The following FBXL13 variants were observed in gnomAD, a reference collection of about 807,000 sequenced individuals.
FBXL13 encodes the protein F-box and leucine rich repeat protein 13, also known as F-box and leucine-rich repeat protein 13.
A neutral mutation model predicts 83.6 loss-of-function variants in FBXL13; 67 were observed. The ratio of observed to expected loss-of-function variants is 0.80; its 90% confidence interval spans 0.66 to 0.98. The LOEUF (loss-of-function observed/expected upper bound fraction) is 0.98. FBXL13 is among the 50% of genes least tolerant of loss of function. The probability of loss-of-function intolerance (pLI) is 0.00; values close to 1 mark genes in which losing one functional copy is unlikely to be tolerated. For missense variants in FBXL13, 822 were observed against 866.5 expected, an observed-to-expected ratio of 0.95 and a Z score of 0.64; for synonymous variants, 272 against 299.5, an observed-to-expected ratio of 0.91 and a Z score of 0.95.
chr7:102,906,161 G>A (rs1232615921), intron 11 of FBXL13, among the ~76,000 whole-genome samples: 2 of 152,086 alleles, frequency 1.3e-5, no homozygotes, highest in African/African-American at 4.8e-5. Flanking sequence ...GGAAAGACCT[G>A]CCCCCATGAT....
At chr7:102,956,044 T>A (rs1824216772) in intron 8 of FBXL13, among the ~76,000 whole-genome samples, 1 of 152,032 alleles carries the variant, frequency 6.6e-6, no homozygotes, top group African/African-American at 2.4e-5. Context: ...GAGGCCAACA[T>A]CATCCTGATA....
rs752413560 is a variant in FBXL13, at chr7:103,053,136, T to TTTTTG, written c.-1+2503_-1+2507dup. ...AAATTCTCTACAGGTTTTTTGTTTG[T>TTTTTG]TTTTGTTTTGTTTTGTTTTGTTTTG... On this transcript the variant is annotated intron_variant, in intron 2 of 19. Transcript: ENST00000313221. Among the ~76,000 whole-genome samples, 184 of 152,054 alleles carry TTTTTG rather than the reference T, an allele frequency of 1.2e-3. 1 individual carries two copies. Among genetic ancestry groups the TTTTTG allele is most frequent in the African/African-American group, 3.2e-3 (133 of 41,482 alleles).
chr7:103,028,454 T>G (rs1794169204), intron 4 of FBXL13, 146 bp downstream of exon 5: 1 of 498,756 alleles, frequency 2.0e-6, no homozygotes, highest in Non-Finnish European at 3.4e-6. Flanking sequence ...TATTTTTAAA[T>G]TAGCAGCTCT....
intron 8 of FBXL13, among the ~76,000 whole-genome samples, chr7:102,959,592 G>C (rs1394517778): frequency 6.6e-6 from 1 of 151,742 alleles, no homozygotes; most frequent in East Asian, 1.9e-4. Context: ...TCTCCAACTG[G>C]TATTTGTACA....
chr7:102,962,303 T>C (rs1314883732), intron 8 of FBXL13, among the ~76,000 whole-genome samples: 1 of 152,102 alleles, frequency 6.6e-6, no homozygotes, highest in Non-Finnish European at 1.5e-5. Flanking sequence ...CTCACACTAG[T>C]TAGAATGGCA....
intron 6 of FBXL13, among the ~76,000 whole-genome samples, chr7:102,984,785 C>T (rs1211713000): frequency 6.6e-6 from 1 of 152,000 alleles, no homozygotes; most frequent in African/African-American, 2.4e-5. Flanking sequence ...CTTAAAGATG[C>T]GGGAATCTAA....
chr7:102,912,681 C>G (rs1470924405), intron 11 of FBXL13, among the ~76,000 whole-genome samples: 5 of 140,852 alleles, frequency 3.5e-5, no homozygotes, highest in East Asian at 2.2e-4. Context: ...ACCCCCCCCC[C>G]CCCAAAAAAA....
At chr7:102,996,168 T>C (rs1789765487) in intron 6 of FBXL13, among the ~76,000 whole-genome samples, 1 of 152,196 alleles carries the variant, frequency 6.6e-6, no homozygotes, top group South Asian at 2.1e-4. Flanking sequence ...AACTAAAAGA[T>C]TGCTGTTGAG....
At chr7:102,912,117 G>A (rs1814792074) in intron 11 of FBXL13, among the ~76,000 whole-genome samples, 1 of 152,170 alleles carries the variant, frequency 6.6e-6, no homozygotes, top group Non-Finnish European at 1.5e-5. Flanking sequence ...AGTACCATGT[G>A]CTTTCATCAG....
intron 2 of FBXL13, among the ~76,000 whole-genome samples, chr7:103,034,324 C>T (rs1292510538): frequency 1.3e-5 from 2 of 152,204 alleles, no homozygotes; most frequent in African/African-American, 4.8e-5. Flanking sequence ...TAGGGCGGCA[C>T]AGGAGCCCAT....
chr7:103,040,897 C>A (rs544639638), intron 2 of FBXL13, among the ~76,000 whole-genome samples: 3 of 151,808 alleles, frequency 2.0e-5, no homozygotes, highest in African/African-American at 7.3e-5. Flanking sequence ...AAATCGACAC[C>A]CTAAAATCAC....
At chr7:103,007,448 A>C (rs1471322744) in intron 6 of FBXL13, among the ~76,000 whole-genome samples, 2 of 152,108 alleles carry the variant, frequency 1.3e-5, no homozygotes, top group Non-Finnish European at 2.9e-5. Flanking sequence ...ATGTTAAAAT[A>C]GAGTGAATAA....
At chr7:103,029,482 T>C in intron 2 of FBXL13, 64 bp from the exon 4 acceptor site, 1 of 890,662 alleles carries the variant, frequency 1.1e-6, no homozygotes, top group Non-Finnish European at 1.6e-6. Context: ...AGACTACCTC[T>C]GCAAGATACT....
intron 6 of FBXL13, among the ~76,000 whole-genome samples, chr7:102,969,075 T>A (rs868089406): frequency 2.7e-4 from 41 of 152,306 alleles, no homozygotes; most frequent in African/African-American, 9.4e-4. Context: ...TATAGTGTAG[T>A]ACTCTATCTG....
At chr7:103,043,395 T>C (rs61397708) in intron 2 of FBXL13, among the ~76,000 whole-genome samples, 2,163 of 152,270 alleles carry the variant, frequency 0.014, 50 homozygotes, top group African/African-American at 0.05. Context: ...AGTTCAACTG[T>C]TGTGGAAGAC....
At chr7:103,000,484 G>A (rs1790271036) in intron 6 of FBXL13, among the ~76,000 whole-genome samples, 1 of 152,198 alleles carries the variant, frequency 6.6e-6, no homozygotes, top group Admixed American at 6.5e-5. Context: ...TGAATTTGTT[G>A]AGACTTGGTT....
intron 6 of FBXL13, among the ~76,000 whole-genome samples, chr7:102,997,244 T>C (rs1054964523): frequency 2.0e-5 from 3 of 152,188 alleles, no homozygotes; most frequent in Non-Finnish European, 4.4e-5. Flanking sequence ...ATCTGCACCA[T>C]CTTTCTTAAC....
chr7:102,970,471 G>A (rs2129481896), intron 6 of FBXL13, among the ~76,000 whole-genome samples: 1 of 152,270 alleles, frequency 6.6e-6, no homozygotes, highest in African/African-American at 2.4e-5. Flanking sequence ...AAATGGATTT[G>A]ATATATTAAT....
rs184088787 is a variant in FBXL13 at position 103,008,398 on chromosome 7, C to T, written c.495+16665G>A. On this transcript the variant is annotated intron_variant, in intron 6 of 19. Transcript: ENST00000313221. ...TTTGATGATCAACTGTAAAAGCATG[C>T]CCTGTTTATAGGAAATACATCAATA... Among the ~76,000 whole-genome samples the T allele has an allele frequency of 1.2e-3, 187 of 152,164 alleles. 3 individuals are homozygous for T. The highest frequency in any genetic ancestry group is 6.9e-3 in the Admixed American group (105 of 15,274).
Sources: gnomAD v4.1 joint callset for allele counts (sites outside exome capture counted in the v4.1 genomes callset) on GRCh38, gnomAD v4.1.1 for gene constraint, MANE v1.5 for transcripts, NCBI Gene and HGNC (gene_info 2026-07-23, HGNC 2026-07-21) for gene names.